Variants in NRXN3 observed in about 807,000 individuals in gnomAD.
NRXN3 encodes neurexin 3.
In NRXN3, 32 loss-of-function variants were observed where a neutral mutation model predicts 137.6. The ratio of observed to expected loss-of-function variants is 0.23; its 90% CI spans 0.18 to 0.31. NRXN3 has a LOEUF of 0.31. NRXN3 is among the 10% of genes least tolerant of loss of function. The pLI is 1.00. For missense variants in NRXN3, 1,574 were observed against 2,062.5 expected, an observed-to-expected ratio of 0.76 and a Z score of 4.59; for synonymous variants, 798 against 784.5, an observed-to-expected ratio of 1.02 and a Z score of -0.29.
intron 20 of NRXN3, among the ~76,000 whole-genome samples, chr14:79,849,821 C>G (rs79727370): frequency 6.6e-6 from 1 of 152,192 alleles, no homozygotes; most frequent in African/African-American, 2.4e-5. Context: ...TGCAGCATTA[C>G]TGTACCGCAT....
At chr14:78,351,894 C>T (rs531224973) in intron 4 of NRXN3, among the ~76,000 whole-genome samples, 1 of 150,418 alleles carries the variant, frequency 6.6e-6, no homozygotes, top group Non-Finnish European at 1.5e-5. Context: ...AAAATCTCCT[C>T]CTATTTCGGT....
chr14:79,519,733 T>C (rs1481456851), intron 16 of NRXN3, among the ~76,000 whole-genome samples: 2 of 151,510 alleles, frequency 1.3e-5, no homozygotes, highest in African/African-American at 4.8e-5. Flanking sequence ...ATCTAGTTAT[T>C]ACACTGTGAT....
intron 3 of NRXN3, among the ~76,000 whole-genome samples, chr14:78,295,883 A>G (rs1475163402): frequency 6.6e-6 from 1 of 152,098 alleles, no homozygotes; most frequent in Non-Finnish European, 1.5e-5. Flanking sequence ...AAAAATATTC[A>G]CGTGGGTCAA....
At chr14:78,924,696 G>C (rs76877997) in intron 10 of NRXN3, among the ~76,000 whole-genome samples, 25 of 152,192 alleles carry the variant, frequency 1.6e-4, no homozygotes, top group African/African-American at 5.1e-4. Flanking sequence ...AGTAAAATAC[G>C]TCATCCTGTA....
intron 1 of NRXN3, among the ~76,000 whole-genome samples, chr14:78,223,821 G>A (rs2064141976): frequency 6.6e-6 from 1 of 152,212 alleles, no homozygotes; most frequent in Non-Finnish European, 1.5e-5. Flanking sequence ...CCAAGGTAAG[G>A]TATGGAGTCT....
chr14:78,443,203 G>T lies in NRXN3; in HGVS notation c.757+145343G>T, dbSNP rs187201657. On this transcript the variant is annotated intron_variant, in intron 4 of 20. Transcript: ENST00000335750. ...ACCTGGTTTCCTTCTTTTCCTCAAGGTGTGCTCAAACTCAGCAGGGTTTGG... is the reference window on the plus strand; with the variant it reads ...ACCTGGTTTCCTTCTTTTCCTCAAGTTGTGCTCAAACTCAGCAGGGTTTGG... Among the ~76,000 whole-genome samples, 5 of 152,316 alleles carry T rather than the reference G, an allele frequency of 3.3e-5. No individual in the cohort carries two copies. In the East Asian group the frequency reaches 9.6e-4, roughly 29 times the overall value.
Position 79,364,719 on chromosome 14 carries a change from A to G in NRXN3, c.3263-102502A>G, listed in dbSNP as rs139006729. On this transcript the variant is annotated intron_variant, in intron 15 of 20. Transcript: ENST00000335750. Reference sequence around the variant, plus strand: ...CCTCAAAAATATATCACTTTTACATATGTAATATAAGTTGAACATCTCATT... The same window carrying G: ...CCTCAAAAATATATCACTTTTACATGTGTAATATAAGTTGAACATCTCATT... Among the ~76,000 whole-genome samples the G allele has an allele frequency of 5.1e-3, 784 of 152,356 alleles. 1 individual carries two copies. The highest frequency in any genetic ancestry group is 9.2e-3 in the Non-Finnish European group (626 of 68,028).
chr14:79,030,995 C>A (rs2099607406), intron 15 of NRXN3, among the ~76,000 whole-genome samples: 1 of 152,006 alleles, frequency 6.6e-6, no homozygotes, highest in Non-Finnish European at 1.5e-5. Flanking sequence ...TATGACATTT[C>A]TATTTGTGAC....
rs118103348 is a variant in NRXN3 at position 78,749,351 on chromosome 14, T to A, written c.2044+34212T>A. 4.6e-3 allele frequency among the ~76,000 whole-genome samples: 696 copies of A among 152,276 alleles called. 8 individuals carry two copies. Among genetic ancestry groups the A allele is most frequent in the Middle Eastern group, 0.01 (3 of 294 alleles). On this transcript the variant is annotated intron_variant, in intron 8 of 20. Coordinates refer to ENST00000335750, the MANE Select transcript of NRXN3 (RefSeq NM_001330195.2). Reference sequence around the variant, plus strand: ...ATGCCCATAGATTGCCTACCACTATTATTAAGAAAAGCTTTTATGCTCATT... The same window carrying A: ...ATGCCCATAGATTGCCTACCACTATAATTAAGAAAAGCTTTTATGCTCATT...
chr14:78,929,648 T>G (rs1461943223), intron 10 of NRXN3, among the ~76,000 whole-genome samples: 1 of 152,170 alleles, frequency 6.6e-6, no homozygotes, highest in Admixed American at 6.5e-5. Context: ...AGTGCTTCAG[T>G]GAACATACAC....
chr14:78,372,714 A>C (rs1255429850), intron 4 of NRXN3, among the ~76,000 whole-genome samples: 1 of 152,244 alleles, frequency 6.6e-6, no homozygotes, highest in East Asian at 1.9e-4. Flanking sequence ...ATGTTATTAG[A>C]ATGATTTGAG....
At chr14:78,899,094 C>T (rs1470673021) in intron 10 of NRXN3, among the ~76,000 whole-genome samples, 1 of 151,840 alleles carries the variant, frequency 6.6e-6, no homozygotes, top group African/African-American at 2.4e-5. Context: ...CTAGGAAATA[C>T]AGTCTGCATA....
At chr14:78,587,753 C>G (rs945594436) in intron 4 of NRXN3, among the ~76,000 whole-genome samples, 1 of 152,076 alleles carries the variant, frequency 6.6e-6, no homozygotes, top group Non-Finnish European at 1.5e-5. Flanking sequence ...TAAACTTTTT[C>G]TTAAAGACTC....
At chr14:79,141,008 A>T (rs994588458) in intron 15 of NRXN3, among the ~76,000 whole-genome samples, 2 of 152,224 alleles carry the variant, frequency 1.3e-5, no homozygotes, top group Admixed American at 6.5e-5. Flanking sequence ...AAACAAACAC[A>T]TTCAAGTAAG....
At chr14:79,624,792 T>G (rs79485888) in intron 16 of NRXN3, among the ~76,000 whole-genome samples, 3,116 of 82,872 alleles carry the variant, frequency 0.038, 172 homozygotes, top group East Asian at 0.27. Flanking sequence ...TTCTTTCCCG[T>G]TTTTTTTTTT....
intron 15 of NRXN3, among the ~76,000 whole-genome samples, chr14:79,138,590 A>G (rs1005406242): frequency 6.6e-6 from 1 of 152,256 alleles, no homozygotes; most frequent in Non-Finnish European, 1.5e-5. Flanking sequence ...ATGCCTAATT[A>G]GGATTTATAG....
chr14:79,865,374 A>G lies in NRXN3; in HGVS notation c.*3410A>G, dbSNP rs2099417680. 6.6e-6 allele frequency: 1 copy of G among 152,222 alleles called. No individual in the cohort carries two copies. The highest frequency in any genetic ancestry group is 1.5e-5 in the Non-Finnish European group (1 of 68,036). The allele number at this position is 152,222 out of a possible 1,614,324, so 9.4% of individuals were successfully genotyped here. A position where few individuals can be genotyped will look rare whatever the true frequency, so the allele number is the denominator to read the frequency against. The stretch of plus-strand genomic sequence containing the variant: ...ACTTACTTGGCCAATTGGATAATCC[A>G]TCTACCCTTTGTTCTTCACTGTAAT... On this transcript the variant is annotated 3_prime_UTR_variant, in exon 21 of 21. Transcript: ENST00000335750.
intron 19 of NRXN3, among the ~76,000 whole-genome samples, chr14:79,755,554 A>G (rs2099016632): frequency 6.6e-6 from 1 of 151,042 alleles, no homozygotes; most frequent in South Asian, 2.1e-4. Context: ...TTTTGCTAGA[A>G]GTAGTTTACT....
chr14:78,800,651 A>AT (rs2098835935), intron 8 of NRXN3, among the ~76,000 whole-genome samples: 1 of 152,226 alleles, frequency 6.6e-6, no homozygotes, highest in Non-Finnish European at 1.5e-5. Flanking sequence ...CAGGACTATC[A>AT]TAAGTGCATT....
Sources: allele counts gnomAD v4.1 joint callset (sites outside exome capture counted in the v4.1 genomes callset), GRCh38; gene constraint gnomAD v4.1.1; transcripts MANE v1.5; gene names NCBI Gene and HGNC (gene_info 2026-07-23, HGNC 2026-07-21).